The following RGL1 variants were observed in gnomAD, a reference collection of about 807,000 sequenced individuals.
RGL1 encodes ral guanine nucleotide dissociation stimulator-like 1.
A neutral mutation model predicts 95.2 loss-of-function variants in RGL1; 24 were observed. The observed-to-expected ratio is 0.25, with a 90% confidence interval of 0.18 to 0.35. The LOEUF is 0.35. Ranked by LOEUF, RGL1 falls within the 10% of genes least tolerant of loss-of-function variation. The pLI is 1.00. For synonymous variants in RGL1, 329 were observed against 344.9 expected, an observed-to-expected ratio of 0.95 and a Z score of 0.51; for missense variants, 715 against 936.3, an observed-to-expected ratio of 0.76 and a Z score of 3.08.
intron 1 of RGL1, among the ~76,000 whole-genome samples, chr1:183,691,391 A>C (rs1653937373): frequency 6.6e-6 from 1 of 152,222 alleles, no homozygotes; most frequent in Non-Finnish European, 1.5e-5. Context: ...CTGAAGTGAT[A>C]GCTCTATCAT....
At chr1:183,739,868 C>T (rs1333482158) in intron 1 of RGL1, among the ~76,000 whole-genome samples, 4 of 152,210 alleles carry the variant, frequency 2.6e-5, no homozygotes, top group Non-Finnish European at 4.4e-5. Flanking sequence ...CTTTCACCCA[C>T]ACTGTGGAGA....
intron 6 of RGL1, 129 bp downstream of exon 6, chr1:183,884,039 C>A: frequency 1.1e-6 from 1 of 920,768 alleles, no homozygotes; most frequent in Non-Finnish European, 1.7e-6. Context: ...ACAGGCTGCG[C>A]CTGCAGATAC....
At chr1:183,688,456 AAG>A (rs57516940) in intron 1 of RGL1, among the ~76,000 whole-genome samples, 172 of 149,000 alleles carry the variant, frequency 1.2e-3, no homozygotes, top group Admixed American at 1.3e-3. Flanking sequence ...GGATCTACTG[AAG>A]AGAGAGAGAG....
At chr1:183,871,570 A>G (rs1434162128) in intron 4 of RGL1, among the ~76,000 whole-genome samples, 1 of 152,248 alleles carries the variant, frequency 6.6e-6, no homozygotes, top group African/African-American at 2.4e-5. Flanking sequence ...TTTTAGCTGT[A>G]AAGCAAAGAG....
At position 183,805,165 on chromosome 1, in the gene RGL1, C is replaced by A; in HGVS notation, c.-133C>A. The stretch of plus-strand genomic sequence containing the variant: ...CGGCGGCGGCGGGGGCAGCGCGGCG[C>A]GTGTCTGTGCGCTGCGGTCGCTCGG... On this transcript the variant is annotated 5_prime_UTR_variant, in exon 1 of 18. Transcript: ENST00000360851. 1.7e-6 allele frequency: 2 copies of A among 1,194,758 alleles called. No homozygotes were observed. Among genetic ancestry groups the A allele is most frequent in the Non-Finnish European group, 2.2e-6 (2 of 918,482 alleles). The allele number at this position is 1,194,758 out of a possible 1,614,324, so 74.0% of individuals were successfully genotyped here.
At chr1:183,731,271 A>T (rs1656614517) in intron 1 of RGL1, among the ~76,000 whole-genome samples, 1 of 152,164 alleles carries the variant, frequency 6.6e-6, no homozygotes, top group Non-Finnish European at 1.5e-5. Flanking sequence ...CTGTGGCAAA[A>T]ATTTACATAT....
At chr1:183,844,106 G>A (rs539284683) in intron 2 of RGL1, among the ~76,000 whole-genome samples, 218 of 152,276 alleles carry the variant, frequency 1.4e-3, no homozygotes, top group African/African-American at 4.9e-3. Flanking sequence ...GATTACAGGC[G>A]TGAGCCACCG....
intron 1 of RGL1, among the ~76,000 whole-genome samples, chr1:183,658,013 C>A (rs150185551): frequency 1.3e-3 from 194 of 152,342 alleles, no homozygotes; most frequent in African/African-American, 4.5e-3. Flanking sequence ...TCTTTCAACT[C>A]ATTGCTTACA....
chr1:183,806,112 A>G (rs530703993), intron 1 of RGL1, among the ~76,000 whole-genome samples: 8 of 151,006 alleles, frequency 5.3e-5, no homozygotes, highest in African/African-American at 1.9e-4. Flanking sequence ...AAAACTATTT[A>G]AGATATGTGA....
chr1:183,725,559 AT>A (rs1656264108), intron 1 of RGL1, among the ~76,000 whole-genome samples: 1 of 152,232 alleles, frequency 6.6e-6, no homozygotes, highest in African/African-American at 2.4e-5. Context: ...GCCAAAAAAA[AT>A]AAGAACTATT....
chr1:183,814,703 G>A (rs1007898218), intron 2 of RGL1, among the ~76,000 whole-genome samples: 1 of 152,080 alleles, frequency 6.6e-6, no homozygotes, highest in Non-Finnish European at 1.5e-5. Flanking sequence ...ACAATTTGAA[G>A]GCAAAAAGCA....
At chr1:183,892,992 A>G (rs1667506780) in intron 9 of RGL1, among the ~76,000 whole-genome samples, 1 of 152,252 alleles carries the variant, frequency 6.6e-6, no homozygotes, top group Admixed American at 6.5e-5. Flanking sequence ...GAGCTAAAAT[A>G]TGAATGTAAT....
At position 183,884,860 on chromosome 1, in the gene RGL1, C is replaced by A. The variant is rs1476073556; in HGVS notation, c.873C>A (p.Val291=). Residue 291 remains valine (V), a synonymous_variant, in exon 7 of 18, where the codon GTC becomes GTA. Coordinates refer to ENST00000360851, the MANE Select transcript of RGL1 (RefSeq NM_001297671.3). ...SQFNTLTKCV[V]STILGGKELK... ...TTAATACCCTCACCAAATGTGTTGT[C>A]AGCACCATCCTGGGGGGCAAAGAAC... 5.6e-6 allele frequency: 9 copies of A among 1,614,014 alleles called. No individual in the cohort carries two copies. Among genetic ancestry groups the A allele is most frequent in the Non-Finnish European group, 7.6e-6 (9 of 1,180,000 alleles).
chr1:183,799,658 G>A (rs540158255), intron 2 of RGL1, among the ~76,000 whole-genome samples: 3 of 152,206 alleles, frequency 2.0e-5, no homozygotes, highest in South Asian at 2.1e-4. Context: ...AGGTTGGTTC[G>A]TTTGCTGTTG....
intron 16 of RGL1, among the ~76,000 whole-genome samples, chr1:183,917,010 T>C (rs1420949413): frequency 2.0e-5 from 3 of 152,152 alleles, no homozygotes; most frequent in African/African-American, 7.2e-5. Context: ...AAATTCTCAA[T>C]TTGGGTGACA....
chr1:183,919,774 T>C (rs551170246), intron 16 of RGL1, among the ~76,000 whole-genome samples: 1 of 152,208 alleles, frequency 6.6e-6, no homozygotes, highest in South Asian at 2.1e-4. Context: ...GGGAATGCAG[T>C]ATTTCTGTCA....
intron 4 of RGL1, among the ~76,000 whole-genome samples, chr1:183,874,429 G>A (rs183388002): frequency 3.3e-5 from 5 of 151,956 alleles, no homozygotes; most frequent in South Asian, 2.1e-4. Context: ...ATCCTACTCC[G>A]GGCCCTCTCC....
chr1:183,917,889 C>T (rs1669073665), intron 16 of RGL1, among the ~76,000 whole-genome samples: 1 of 152,168 alleles, frequency 6.6e-6, no homozygotes, highest in Admixed American at 6.5e-5. Flanking sequence ...ACTGTGTTTG[C>T]TGGAGTGTCG....
At chr1:183,663,203 T>C (rs958946390) in intron 1 of RGL1, among the ~76,000 whole-genome samples, 11 of 151,956 alleles carry the variant, frequency 7.2e-5, no homozygotes, top group African/African-American at 2.7e-4. Context: ...AAAGCCAAAA[T>C]TGACAAATGG....
Sources: allele counts gnomAD v4.1 joint callset (sites outside exome capture counted in the v4.1 genomes callset), GRCh38; gene constraint gnomAD v4.1.1; transcripts MANE v1.5; gene names NCBI Gene and HGNC (gene_info 2026-07-23, HGNC 2026-07-21).